The following SMARCD2 variants were observed in gnomAD, a reference collection of about 807,000 sequenced individuals.
SMARCD2 encodes SWI/SNF-related matrix-associated actin-dependent regulator of chromatin subfamily D member 2.
A neutral mutation model predicts 70.4 loss-of-function variants in SMARCD2; 39 were observed. The observed-to-expected ratio is 0.55, with a 90% CI of 0.43 to 0.72. The LOEUF (loss-of-function observed/expected upper bound fraction) is 0.72. Ranked by LOEUF, SMARCD2 falls within the 30% of genes least tolerant of loss-of-function variation. The pLI is 0.00. For missense variants in SMARCD2, 540 were observed against 713.4 expected (o/e 0.76, Z 2.77); for synonymous variants, 249 against 279.4 (o/e 0.89, Z 1.08).
At chr17:63,835,591 A>G (rs1385921203) in intron 4 of SMARCD2, 24 bp from the exon 5 acceptor site, 2 of 1,612,026 alleles carry the variant, frequency 1.2e-6, no homozygotes, top group Non-Finnish European at 1.7e-6. Context: ...GGCAATCACA[A>G]CTGGAGGTGG....
In SMARCD2 at chr17:63,836,964, G is replaced by T. The variant is rs375159368; in HGVS notation, c.525C>A (p.Arg175=). The change falls in exon 4 of 13, where the codon CGC becomes CGA. Residue 175 remains arginine, a synonymous_variant. Transcript: ENST00000448276. ...TGGCCTCCTGGATCTCCATCCGCTT[G>T]CGAGCAATGGTCTGGTCCAGCTTCC... ...FERKLDQTIA[R]KRMEIQEAIK... The T allele has an allele frequency of 1.9e-6, 3 of 1,613,806 alleles. No individual in the cohort carries two copies. Among genetic ancestry groups the T allele is most frequent in the African/African-American group, 2.7e-5 (2 of 74,942 alleles).
chr17:63,842,384 A>G, intron 1 of SMARCD2, 75 bp downstream of exon 1: 1 of 1,253,764 alleles, frequency 8.0e-7, no homozygotes, highest in Non-Finnish European at 1.0e-6. Context: ...CCCTCACTCG[A>G]GGCCCCTTCA....
At position 63,833,525 on chromosome 17, in the gene SMARCD2, G is replaced by A; in HGVS notation, c.1317+62C>T. The A allele has an allele frequency of 6.2e-7, 1 of 1,612,042 alleles. No homozygotes were observed. The highest frequency in any genetic ancestry group is 8.5e-7 in the Non-Finnish European group (1 of 1,178,542). ...CAGGTGCTACATGTATGGAAATGCT[G>A]GACAGAGCCAGCCCACCCCAATCCT... On this transcript the variant is annotated intron_variant, in intron 10 of 12. Transcript: ENST00000448276. This position sits in a 1 kb window ranked among gnomAD's most constrained non-coding sequence, Gnocchi z 4.3.
chr17:63,832,188 T>TCCCAGCCTC lies in SMARCD2; in HGVS notation c.*741_*749dup. The TCCCAGCCTC allele has an allele frequency of 1.7e-6, 1 of 590,216 alleles. No homozygotes were observed. Among genetic ancestry groups the TCCCAGCCTC allele is most frequent in the East Asian group, 2.8e-5 (1 of 35,090 alleles). The allele number at this position is 590,216 out of a possible 1,614,324, so 36.6% of individuals were successfully genotyped here. A position where few individuals can be genotyped will look rare whatever the true frequency, so the allele number is the denominator to read the frequency against. On this transcript the variant is annotated 3_prime_UTR_variant, in exon 13 of 13. Transcript: ENST00000448276. ...AAGCTCCAAAGGGCAACACCAGTCC[T>TCCCAGCCTC]CCCAGCCTCCCCATTCACCTTACCC...
intron 4 of SMARCD2, among the ~76,000 whole-genome samples, chr17:63,836,500 G>GAA (rs61376475): frequency 7.7e-5 from 5 of 64,774 alleles, no homozygotes; most frequent in Admixed American, 3.7e-4. Context: ...CTCCATCTCA[G>GAA]AAAAAAAAAA....
chr17:63,832,201 ATTC>A lies in SMARCD2; in HGVS notation c.*734_*736del. The A allele has an allele frequency of 3.4e-6, 2 of 581,164 alleles. No individual in the cohort carries two copies. Among genetic ancestry groups the A allele is most frequent in the Admixed American group, 3.0e-5 (1 of 33,264 alleles). The allele number at this position is 581,164 out of a possible 1,614,324, so 36.0% of individuals were successfully genotyped here. A position where few individuals can be genotyped will look rare whatever the true frequency, so the allele number is the denominator to read the frequency against. On this transcript the variant is annotated 3_prime_UTR_variant, in exon 13 of 13. Transcript: ENST00000448276. The stretch of plus-strand genomic sequence containing the variant: ...CAACACCAGTCCTCCCAGCCTCCCC[ATTC>A]ACCTTACCCTGGCCTCCACATGCAC...
chr17:63,834,484 A>G lies in SMARCD2; in HGVS notation c.911T>C (p.Leu304Pro), dbSNP rs1237304397. 1 of 1,589,018 alleles carries G rather than the reference A, an allele frequency of 6.3e-7. No homozygotes were observed. The highest frequency in any genetic ancestry group is 8.6e-7 in the Non-Finnish European group (1 of 1,163,032). Reference sequence around the variant, plus strand: ...CAGGGTCTCTGTCACCTGATGATCCAGCATGAGCAGGAGGGTGCACTTGAC... The same window carrying G: ...CAGGGTCTCTGTCACCTGATGATCCGGCATGAGCAGGAGGGTGCACTTGAC... ...LNVKCTLLLM[L>P]DHQPPQYKLD... is the part of the protein sequence containing the mutation. The change falls in exon 7 of 13, where the codon CTG becomes CCG. Residue 304 changes from leucine (L) to proline (P), a missense_variant. Coordinates refer to ENST00000448276, the MANE Select transcript of SMARCD2 (RefSeq NM_001098426.2). This position sits in a 1 kb window ranked among gnomAD's most constrained non-coding sequence, Gnocchi z 5.6.
chr17:63,834,976 C>G lies in SMARCD2; in HGVS notation c.724-176G>C. ...AGACTGGAGGCAGGGAAATGGTGCC[C>G]TCTTGCAGCCCACGAGGGACTTCCT... On this transcript the variant is annotated intron_variant, in intron 5 of 12. Transcript: ENST00000448276. This position sits in a 1 kb window ranked among gnomAD's most constrained non-coding sequence, Gnocchi z 5.6. 1 of 601,424 alleles carries G rather than the reference C, an allele frequency of 1.7e-6. No individual in the cohort carries two copies. Among genetic ancestry groups the G allele is most frequent in the Non-Finnish European group, 2.9e-6 (1 of 339,166 alleles). The allele number at this position is 601,424 out of a possible 1,614,324, so 37.3% of individuals were successfully genotyped here.
chr17:63,841,310 C>G (rs1904453268), intron 1 of SMARCD2, among the ~76,000 whole-genome samples: 1 of 152,216 alleles, frequency 6.6e-6, no homozygotes, highest in South Asian at 2.1e-4. Context: ...AAGTGAGGGC[C>G]CAGTGGGGCA....
intron 4 of SMARCD2, chr17:63,836,721 T>C (rs2040270725): frequency 3.7e-6 from 2 of 536,918 alleles, no homozygotes; most frequent in African/African-American, 3.7e-5. Context: ...TACTGTGAAG[T>C]ATTTTAAGAT....
At position 63,833,127 on chromosome 17, in the gene SMARCD2, G is replaced by A; in HGVS notation, c.1484C>T (p.Ala495Val). 2 of 1,607,542 alleles carry A rather than the reference G, an allele frequency of 1.2e-6. No individual in the cohort carries two copies. Among genetic ancestry groups the A allele is most frequent in the Non-Finnish European group, 8.5e-7 (1 of 1,176,996 alleles). ...VIGNPEEERR[A>V]AFYHQPWAQE... Reference sequence around the variant, plus strand: ...GGCCCAGGGCTGGTGGTAGAAAGCAGCTCGTCTCTCCTCCTCAGGATTTCC... The same window carrying A: ...GGCCCAGGGCTGGTGGTAGAAAGCAACTCGTCTCTCCTCCTCAGGATTTCC... The change falls in exon 12 of 13, where the codon GCT (alanine) becomes GTT (valine). Residue 495 changes from alanine to valine, a missense_variant. Coordinates refer to ENST00000448276, the MANE Select transcript of SMARCD2 (RefSeq NM_001098426.2). This position sits in a 1 kb window ranked among gnomAD's most constrained non-coding sequence, Gnocchi z 4.3.
intron 1 of SMARCD2, among the ~76,000 whole-genome samples, chr17:63,840,112 G>C (rs981145214): frequency 2.6e-5 from 4 of 151,788 alleles, no homozygotes; most frequent in African/African-American, 7.3e-5. Context: ...CTGGGCGACA[G>C]AGTGAGACTC....
Position 63,837,040 on chromosome 17 carries a change from C to T in SMARCD2, c.449G>A (p.Arg150Gln), listed in dbSNP as rs867997170. The change falls in exon 4 of 13, where the codon CGG becomes CAG. Residue 150 changes from arginine to glutamine, a missense_variant. Transcript: ENST00000448276. This position sits in a 1 kb window ranked among gnomAD's most constrained non-coding sequence, Gnocchi z 6.4. Reference sequence around the variant, plus strand: ...CGCCTGAGACTCTGGAACAAGCTCCCGGATCTGAAGGAAGGTAGCAGAAGC... The same window carrying T: ...CGCCTGAGACTCTGGAACAAGCTCCTGGATCTGAAGGAAGGTAGCAGAAGC... ...MADKVLPQRI[R>Q]ELVPESQAYM... The T allele has an allele frequency of 4.3e-6, 7 of 1,613,252 alleles. No homozygotes were observed. The highest frequency in any genetic ancestry group is 1.3e-5 in the African/African-American group (1 of 74,926).
chr17:63,833,554 C>T lies in SMARCD2; in HGVS notation c.1317+33G>A, dbSNP rs1217962228. The T allele has an allele frequency of 6.2e-7, 1 of 1,613,578 alleles. No homozygotes were observed. Among genetic ancestry groups the T allele is most frequent in the Non-Finnish European group, 8.5e-7 (1 of 1,179,672 alleles). On this transcript the variant is annotated intron_variant, in intron 10 of 12. Coordinates refer to ENST00000448276, the MANE Select transcript of SMARCD2 (RefSeq NM_001098426.2). This position sits in a 1 kb window ranked among gnomAD's most constrained non-coding sequence, Gnocchi z 4.3. ...AGAGCCAGCCCACCCCAATCCTGGG[C>T]CCCAGAGGAAGCTGTGGAGCCAGAG...
In SMARCD2 at chr17:63,842,269, C is replaced by A. The variant is rs553885419; in HGVS notation, c.216+190G>T. ...CCCAGCTGCTTCCAGCCCTCCGCTGCAGAACCTGCTTCCCCTTCCCACTTC... is the reference window on the plus strand; with the variant it reads ...CCCAGCTGCTTCCAGCCCTCCGCTGAAGAACCTGCTTCCCCTTCCCACTTC... On this transcript the variant is annotated intron_variant, in intron 1 of 12. Transcript: ENST00000448276. The A allele has an allele frequency of 7.2e-5, 74 of 1,034,762 alleles. No individual in the cohort carries two copies. In the South Asian group the frequency reaches 2.4e-3, roughly 34 times the overall value. 64.1% of individuals were successfully genotyped at this position (1,034,762 alleles called of 1,614,324 possible). A position where few individuals can be genotyped will look rare whatever the true frequency, so the allele number is the denominator to read the frequency against.
At chr17:63,836,231 A>C (rs2040263789) in intron 4 of SMARCD2, among the ~76,000 whole-genome samples, 1 of 151,864 alleles carries the variant, frequency 6.6e-6, no homozygotes, top group East Asian at 2.0e-4. Flanking sequence ...TATTATTAAG[A>C]AAAGCTTCTC....
At chr17:63,841,407 G>T (rs1485069397) in intron 1 of SMARCD2, among the ~76,000 whole-genome samples, 1 of 152,218 alleles carries the variant, frequency 6.6e-6, no homozygotes, top group African/African-American at 2.4e-5. Context: ...CAGCAAACCC[G>T]TAGATGAGCA....
intron 1 of SMARCD2, among the ~76,000 whole-genome samples, chr17:63,839,684 T>C (rs1343649846): frequency 3.3e-5 from 5 of 151,106 alleles, no homozygotes; most frequent in Non-Finnish European, 7.4e-5. Flanking sequence ...CAGGACCAGG[T>C]AGGCCTGGAT....
chr17:63,834,200 C>A lies in SMARCD2; in HGVS notation c.1050G>T (p.Arg350=). 1 of 1,607,660 alleles carries A rather than the reference C, an allele frequency of 6.2e-7. No homozygotes were observed. Among genetic ancestry groups the A allele is most frequent in the East Asian group, 2.2e-5 (1 of 44,654 alleles). Reference sequence around the variant, plus strand: ...AGTAACGGTTGCAGTTGATGTACTCCCGCTCGTGCCCATCCTGCAGCTGGT... The same window carrying A: ...AGTAACGGTTGCAGTTGATGTACTCACGCTCGTGCCCATCCTGCAGCTGGT... ...KHNQLQDGHE[R]EYINCNRYFR... The change falls in exon 8 of 13, where the codon CGG becomes CGT. Residue 350 remains arginine (R), a synonymous_variant. Transcript: ENST00000448276. This position sits in a 1 kb window ranked among gnomAD's most constrained non-coding sequence, Gnocchi z 5.6.
Sources: allele counts gnomAD v4.1 joint callset (sites outside exome capture counted in the v4.1 genomes callset), GRCh38; gene constraint gnomAD v4.1.1; non-coding constraint Gnocchi (gnomAD v3.1); transcripts MANE v1.5; gene names NCBI Gene and HGNC (gene_info 2026-07-23, HGNC 2026-07-21).